Variants in VRK2 observed in about 807,000 individuals in gnomAD.
VRK2 encodes serine/threonine-protein kinase VRK2.
A neutral mutation model predicts 57.6 loss-of-function variants in VRK2; 60 were observed. That is an observed-to-expected ratio of 1.04 (90% CI 0.85 to 1.29). The LOEUF (loss-of-function observed/expected upper bound fraction) is 1.29. VRK2 is among the 50% of genes most tolerant of loss of function. The probability of loss-of-function intolerance (pLI) is 0.00; values close to 1 mark genes in which losing one functional copy is unlikely to be tolerated. For missense variants in VRK2, 705 were observed against 588.1 expected, an observed-to-expected ratio of 1.20 and a Z score of -2.06; for synonymous variants, 231 against 199.2, an observed-to-expected ratio of 1.16 and a Z score of -1.35.
intron 1 of VRK2, among the ~76,000 whole-genome samples, chr2:57,916,519 A>G (rs1670157943): frequency 6.6e-6 from 1 of 151,984 alleles, no homozygotes. Flanking sequence ...TATTCACTAT[A>G]TCGACCCACC....
At chr2:57,911,151 T>C (rs1669974151) in intron 1 of VRK2, among the ~76,000 whole-genome samples, 1 of 152,042 alleles carries the variant, frequency 6.6e-6, no homozygotes, top group Non-Finnish European at 1.5e-5. Flanking sequence ...ATCTCATTAC[T>C]CTCACCAGTT....
At chr2:58,133,579 C>T (rs1679531193) in intron 9 of VRK2, among the ~76,000 whole-genome samples, 1 of 152,194 alleles carries the variant, frequency 6.6e-6, no homozygotes, top group African/African-American at 2.4e-5. Context: ...TAGCATGCTG[C>T]TGGATCAATG....
chr2:58,030,867 T>C (rs938337963), intron 2 of VRK2, among the ~76,000 whole-genome samples: 7 of 152,212 alleles, frequency 4.6e-5, no homozygotes, highest in Non-Finnish European at 1.0e-4. Context: ...TTTGGAACAC[T>C]CATGCTTTAT....
intron 1 of VRK2, among the ~76,000 whole-genome samples, chr2:58,015,419 A>G (rs183440090): frequency 3.6e-4 from 55 of 152,328 alleles, no homozygotes; most frequent in African/African-American, 1.3e-3. Flanking sequence ...CAAATTATGC[A>G]GACTTTCTGA....
At chr2:58,136,877 TTA>T (rs1680151692) in intron 10 of VRK2, among the ~76,000 whole-genome samples, 1 of 114,204 alleles carries the variant, frequency 8.8e-6, no homozygotes, top group Non-Finnish European at 1.7e-5. Flanking sequence ...ATATCATATA[TTA>T]TATCATATAT....
At chr2:58,042,499 T>C (rs939619157), upstream of VRK2, among the ~76,000 whole-genome samples, 1 of 152,118 alleles carries the variant, frequency 6.6e-6, no homozygotes, top group Non-Finnish European at 1.5e-5. Context: ...TATGATCTCC[T>C]TATCTCACTT....
intron 1 of VRK2, among the ~76,000 whole-genome samples, chr2:57,945,535 C>T (rs187622672): frequency 2.0e-5 from 3 of 152,262 alleles, no homozygotes; most frequent in East Asian, 1.9e-4. Flanking sequence ...TTTAAATTCT[C>T]ATCATGCTAT....
intron 1 of VRK2, among the ~76,000 whole-genome samples, chr2:57,981,104 T>C (rs1170418637): frequency 6.6e-6 from 1 of 152,156 alleles, no homozygotes; most frequent in East Asian, 1.9e-4. Context: ...TTATGTAGAT[T>C]TGATTGTATA....
intron 1 of VRK2, among the ~76,000 whole-genome samples, chr2:57,915,739 G>A (rs998038867): frequency 2.6e-5 from 4 of 152,156 alleles, no homozygotes; most frequent in African/African-American, 4.8e-5. Context: ...TCCCCAACCC[G>A]CTGGGCTGCA....
At chr2:58,129,477 A>G (rs1484976474) in intron 8 of VRK2, among the ~76,000 whole-genome samples, 3 of 152,158 alleles carry the variant, frequency 2.0e-5, no homozygotes, top group East Asian at 3.8e-4. Flanking sequence ...TTTTAAAATG[A>G]ATTTGAAAAT....
chr2:58,119,426 G>A (rs148755370), intron 7 of VRK2, among the ~76,000 whole-genome samples: 2,994 of 144,536 alleles, frequency 0.021, 114 homozygotes, highest in African/African-American at 0.074. Flanking sequence ...GCAGTGAGCC[G>A]AGATCGCGCC....
At chr2:58,084,031 G>T in intron 2 of VRK2, 58 bp from the exon 3 acceptor site, 1 of 1,570,226 alleles carries the variant, frequency 6.4e-7, no homozygotes, top group South Asian at 1.2e-5. Flanking sequence ...GGATATGGTA[G>T]GTATTCAGTA....
chr2:57,993,765 T>A (rs542804534), intron 1 of VRK2, among the ~76,000 whole-genome samples: 28 of 152,352 alleles, frequency 1.8e-4, no homozygotes, highest in Non-Finnish European at 3.5e-4. Flanking sequence ...ACAGAGTTCA[T>A]CCTTATGGCA....
At chr2:57,935,980 G>C (rs1310793838) in intron 1 of VRK2, among the ~76,000 whole-genome samples, 1 of 152,168 alleles carries the variant, frequency 6.6e-6, no homozygotes, top group Non-Finnish European at 1.5e-5. Context: ...TACTTTTTTA[G>C]ATGGGTCATT....
At chr2:58,029,655 G>C (rs190561409) in intron 2 of VRK2, among the ~76,000 whole-genome samples, 1 of 152,164 alleles carries the variant, frequency 6.6e-6, no homozygotes, top group East Asian at 1.9e-4. Flanking sequence ...GGCAGACATA[G>C]ACTCCCTCCC....
At chr2:57,983,434 T>C (rs1232372281) in intron 1 of VRK2, among the ~76,000 whole-genome samples, 2 of 152,208 alleles carry the variant, frequency 1.3e-5, no homozygotes, top group East Asian at 3.8e-4. Flanking sequence ...GTTCCTTTTT[T>C]TATGTAAGAT....
intron 1 of VRK2, among the ~76,000 whole-genome samples, chr2:57,944,806 A>T (rs904754135): frequency 7.2e-6 from 1 of 138,072 alleles, no homozygotes; most frequent in Admixed American, 6.8e-5. Flanking sequence ...GGCAAAAAAA[A>T]GTCATCCCCC....
At chr2:57,954,560 G>A (rs1671524055) in intron 1 of VRK2, among the ~76,000 whole-genome samples, 1 of 151,680 alleles carries the variant, frequency 6.6e-6, no homozygotes. Context: ...ACATCTTTTA[G>A]GAAATAAAAA....
Position 58,137,776 on chromosome 2 carries a change from A to G in VRK2, c.857-1890A>G, listed in dbSNP as rs189977472. On this transcript the variant is annotated intron_variant, in intron 10 of 12. Coordinates refer to ENST00000340157, the MANE Select transcript of VRK2 (RefSeq NM_006296.7). The stretch of plus-strand genomic sequence containing the variant: ...AATACTTCACTGGCTTAAAAAGCAG[A>G]TGATTAAAAAAATCATAATTTCATA... Among the ~76,000 whole-genome samples the G allele has an allele frequency of 8.1e-4, 124 of 152,296 alleles. 1 individual carries two copies. Among genetic ancestry groups the G allele is most frequent in the Non-Finnish European group, 1.8e-4 (12 of 67,996 alleles).
Sources: gnomAD v4.1 joint callset for allele counts (sites outside exome capture counted in the v4.1 genomes callset) on GRCh38, gnomAD v4.1.1 for gene constraint, MANE v1.5 for transcripts, NCBI Gene and HGNC (gene_info 2026-07-23, HGNC 2026-07-21) for gene names.